PINX1: variants seen among roughly 807,000 people sequenced by gnomAD.
PINX1 encodes PIN2 (TERF1) interacting telomerase inhibitor 1.
In PINX1, 34 loss-of-function variants were observed where a neutral mutation model predicts 25.4. The ratio of observed to expected loss-of-function variants is 1.34; its 90% CI spans 1.02 to 1.78. The LOEUF (loss-of-function observed/expected upper bound fraction) is 1.78, where lower values mean the gene tolerates loss of function less well. Among genes scored for constraint, PINX1 ranks in the 40% most tolerant of loss-of-function variants. The pLI is 0.00. For missense variants in PINX1, 592 were observed against 404.9 expected, an observed-to-expected ratio of 1.46 and a Z score of -3.97; for synonymous variants, 197 against 147.7, an observed-to-expected ratio of 1.33 and a Z score of -2.42.
At position 10,803,910 on chromosome 8, in the gene PINX1, T is replaced by G. The variant is rs187716102; in HGVS notation, c.471+16283A>C. Among the ~76,000 whole-genome samples the G allele has an allele frequency of 1.2e-3, 184 of 152,326 alleles. 3 individuals are homozygous for G. In the South Asian group the frequency reaches 0.034, roughly 28 times the overall value. On this transcript the variant is annotated intron_variant, in intron 6 of 6. Coordinates refer to ENST00000314787, the MANE Select transcript of PINX1 (RefSeq NM_017884.6). The stretch of plus-strand genomic sequence containing the variant: ...TTAATTCTTTCATAGGGCTATCAAT[T>G]AAGAAGCAAGGAAATCAACCTGCAA...
At chr8:10,824,891 G>A (rs1446248883) in intron 5 of PINX1, among the ~76,000 whole-genome samples, 3 of 152,180 alleles carry the variant, frequency 2.0e-5, no homozygotes, top group Non-Finnish European at 4.4e-5. Flanking sequence ...AAGTGAGCAT[G>A]TACCCTCTCT....
chr8:10,837,925 C>T (rs988596793), intron 1 of PINX1, among the ~76,000 whole-genome samples: 1 of 152,224 alleles, frequency 6.6e-6, no homozygotes, highest in Admixed American at 6.5e-5. Context: ...TACGTTAGAA[C>T]TTAAAGGAAG....
chr8:10,775,461 C>T (rs1462240510), intron 6 of PINX1, among the ~76,000 whole-genome samples: 2 of 131,094 alleles, frequency 1.5e-5, no homozygotes, highest in African/African-American at 5.7e-5. Context: ...ATTTTGAATC[C>T]ATTACAGGAT....
At chr8:10,833,646 G>GGGGTGCGGGAGGCTGGAGAAGAATGACA in intron 2 of PINX1, 2 of 37,856 alleles carry the variant, frequency 5.3e-5, no homozygotes, top group East Asian at 6.6e-4. Flanking sequence ...GAAGAATGAC[G>GGGGTGCGGGAGGCTGGAGAAGAATGACA]ACTGGGGTGC....
intron 1 of PINX1, among the ~76,000 whole-genome samples, chr8:10,835,043 C>G (rs941565056): frequency 3.9e-5 from 6 of 152,156 alleles, no homozygotes; most frequent in African/African-American, 1.4e-4. Flanking sequence ...AGCAAATGCT[C>G]AATATACTAG....
At chr8:10,811,711 T>G (rs1249978584) in intron 6 of PINX1, among the ~76,000 whole-genome samples, 2 of 152,156 alleles carry the variant, frequency 1.3e-5, no homozygotes, top group African/African-American at 4.8e-5. Flanking sequence ...TCATGGTCTC[T>G]CCACGGGGGC....
chr8:10,780,065 G>C (rs1427841915), intron 6 of PINX1, among the ~76,000 whole-genome samples: 1 of 152,154 alleles, frequency 6.6e-6, no homozygotes, highest in African/African-American at 2.4e-5. Flanking sequence ...TTTGTATGTT[G>C]ATCATGTATC....
chr8:10,812,470 ACTCCCAAGGAGACGT>A (rs1472760049), intron 6 of PINX1, among the ~76,000 whole-genome samples: 2 of 152,096 alleles, frequency 1.3e-5, no homozygotes, highest in African/African-American at 4.8e-5. Context: ...TGCACAGGGC[ACTCCCAAGGAGACGT>A]GCACTGTGGC....
chr8:10,771,188 C>A (rs1037924598), intron 6 of PINX1: 1 of 152,152 alleles, frequency 6.6e-6, no homozygotes, highest in Non-Finnish European at 1.5e-5. Context: ...TTCATGTATC[C>A]CTTCAGGTAT....
chr8:10,770,293 G>T (rs112182456), intron 6 of PINX1, among the ~76,000 whole-genome samples: 1 of 152,178 alleles, frequency 6.6e-6, no homozygotes, highest in Non-Finnish European at 1.5e-5. Context: ...TGTGTGTCAC[G>T]ATTAGAGCTG....
At chr8:10,824,072 C>A (rs1032111356) in intron 5 of PINX1, among the ~76,000 whole-genome samples, 2 of 146,864 alleles carry the variant, frequency 1.4e-5, no homozygotes, top group Non-Finnish European at 3.0e-5. Flanking sequence ...TCTTTATTAT[C>A]TACAATGCTG....
chr8:10,785,816 A>G lies in PINX1; in HGVS notation c.472-19900T>C, dbSNP rs187081464. On this transcript the variant is annotated intron_variant, in intron 6 of 6. Coordinates refer to ENST00000314787, the MANE Select transcript of PINX1 (RefSeq NM_017884.6). Reference sequence around the variant, plus strand: ...GTGTGTACAGGACCCCACTCCATGTAAGGAACAAACACTACATACTCTAAT... The same window carrying G: ...GTGTGTACAGGACCCCACTCCATGTGAGGAACAAACACTACATACTCTAAT... Among the ~76,000 whole-genome samples, 296 of 152,368 alleles carry G rather than the reference A, an allele frequency of 1.9e-3. 2 individuals carry two copies. Among genetic ancestry groups the G allele is most frequent in the Admixed American group, 0.016 (249 of 15,306 alleles).
At chr8:10,789,507 T>C (rs1801855913) in intron 6 of PINX1, among the ~76,000 whole-genome samples, 1 of 152,200 alleles carries the variant, frequency 6.6e-6, no homozygotes, top group African/African-American at 2.4e-5. Flanking sequence ...GTCAACATAC[T>C]GTATGCTAGG....
chr8:10,825,349 G>T (rs1798002722), intron 5 of PINX1: 1 of 534,638 alleles, frequency 1.9e-6, no homozygotes, highest in African/African-American at 1.9e-5. Flanking sequence ...TCCCAGGAAA[G>T]AACCATCAAC....
chr8:10,816,805 G>C (rs1797712334), intron 6 of PINX1, among the ~76,000 whole-genome samples: 1 of 148,684 alleles, frequency 6.7e-6, no homozygotes, highest in South Asian at 2.2e-4. Context: ...TATTATCGGA[G>C]AAAGGCTGAT....
intron 6 of PINX1, among the ~76,000 whole-genome samples, chr8:10,805,873 G>A (rs1387935899): frequency 8.5e-6 from 1 of 117,030 alleles, no homozygotes; most frequent in African/African-American, 3.5e-5. Context: ...ACGGAGCACA[G>A]GAAGGGGCCA....
chr8:10,834,253 A>G (rs1798324303), intron 2 of PINX1: 1 of 159,856 alleles, frequency 6.3e-6, no homozygotes, highest in Non-Finnish European at 1.4e-5. Context: ...TCAAGGAGAG[A>G]GTAGTCAATT....
intron 6 of PINX1, among the ~76,000 whole-genome samples, chr8:10,791,088 A>G (rs748836612): frequency 1.3e-5 from 2 of 151,904 alleles, no homozygotes; most frequent in Non-Finnish European, 2.9e-5. Context: ...AATTTTTTGT[A>G]TTTTTAGTAG....
rs115192002 is a variant in PINX1, at chr8:10,792,055, C to G, written c.472-26139G>C. The stretch of plus-strand genomic sequence containing the variant: ...CCGCTCAGGACCAGCAAGGGTAGCG[C>G]TGGAGCTTGTCTGTATTACGATCAG... On this transcript the variant is annotated intron_variant, in intron 6 of 6. Coordinates refer to ENST00000314787, the MANE Select transcript of PINX1 (RefSeq NM_017884.6). Among the ~76,000 whole-genome samples the G allele has an allele frequency of 3.3e-3, 497 of 152,312 alleles. 3 individuals are homozygous for G. The highest frequency in any genetic ancestry group is 0.011 in the African/African-American group (475 of 41,576).
Sources: allele counts gnomAD v4.1 joint callset (sites outside exome capture counted in the v4.1 genomes callset), GRCh38; gene constraint gnomAD v4.1.1; transcripts MANE v1.5; gene names NCBI Gene and HGNC (gene_info 2026-07-23, HGNC 2026-07-21).